PLCG2: variants seen among roughly 807,000 people sequenced by gnomAD.
PLCG2 encodes 1-phosphatidylinositol 4,5-bisphosphate phosphodiesterase gamma-2.
Under a neutral mutation model 175.6 loss-of-function variants are expected in PLCG2, and 69 were observed. The observed-to-expected ratio is 0.39, with a 90% confidence interval of 0.32 to 0.48. The LOEUF is 0.48. Among genes scored for constraint, PLCG2 ranks in the 20% least tolerant of loss-of-function variants. PLCG2 has a pLI of 0.91. For synonymous variants in PLCG2, 827 were observed against 624.0 expected (o/e 1.33, Z -4.85); for missense variants, 1,798 against 1,650.9 (o/e 1.09, Z -1.54).
Position 81,962,099 on chromosome 16 carries a change from C to A in PLCG2, c.*4101C>A, listed in dbSNP as rs929695630. 5.4e-5 allele frequency: 10 copies of A among 185,252 alleles called. No individual in the cohort carries two copies. The highest frequency in any genetic ancestry group is 1.9e-4 in the African/African-American group (8 of 42,578). 11.5% of individuals were successfully genotyped at this position (185,252 alleles called of 1,614,324 possible). On this transcript the variant is annotated 3_prime_UTR_variant, in exon 33 of 33. Coordinates refer to ENST00000564138, the MANE Select transcript of PLCG2 (RefSeq NM_002661.5). ...ACGACCAACCCCGATAGAGGAGGACCGGTCTTCGGTCAAGGGTATACGAGT... is the reference window on the plus strand; with the variant it reads ...ACGACCAACCCCGATAGAGGAGGACAGGTCTTCGGTCAAGGGTATACGAGT...
intron 2 of PLCG2, among the ~76,000 whole-genome samples, chr16:81,763,764 C>T (rs959278954): frequency 5.9e-5 from 9 of 151,864 alleles, no homozygotes; most frequent in South Asian, 2.1e-4. Flanking sequence ...GTCTGGAGTT[C>T]GAGACCAGCC....
At chr16:81,926,899 AAAAAAT>A (rs1363742887) in intron 22 of PLCG2, among the ~76,000 whole-genome samples, 177 bp from the exon 23 acceptor site, 3 of 152,190 alleles carry the variant, frequency 2.0e-5, no homozygotes, top group Non-Finnish European at 4.4e-5. Context: ...ATTAGTAATT[AAAAAAT>A]AAAAAGACAG....
chr16:81,877,433 C>T (rs555420818), intron 7 of PLCG2, among the ~76,000 whole-genome samples: 21 of 152,240 alleles, frequency 1.4e-4, no homozygotes, highest in Middle Eastern at 3.4e-3. Context: ...CCAGCCTGGG[C>T]GACACAGCGA....
chr16:81,942,782 G>T (rs948441011), intron 30 of PLCG2, among the ~76,000 whole-genome samples: 1 of 152,106 alleles, frequency 6.6e-6, no homozygotes, highest in African/African-American at 2.4e-5. Context: ...AATTAATTTC[G>T]AACCCCGTGT....
chr16:81,797,840 T>G lies in PLCG2; in HGVS notation c.193+11658T>G, dbSNP rs1256715643. On this transcript the variant is annotated intron_variant, in intron 2 of 32. Coordinates refer to ENST00000564138, the MANE Select transcript of PLCG2 (RefSeq NM_002661.5). ...TCTCAGTTTTCTTTTTTCTTGTCTTTTTTTTTTTTGAGATGGAGTCTCACT... is the reference window on the plus strand; with the variant it reads ...TCTCAGTTTTCTTTTTTCTTGTCTTGTTTTTTTTTGAGATGGAGTCTCACT... Among the ~76,000 whole-genome samples, 9 of 151,604 alleles carry G rather than the reference T, an allele frequency of 5.9e-5. No homozygotes were observed. The East Asian group carries it at 1.7e-3, about 29-fold the overall frequency.
At position 81,938,835 on chromosome 16, in the gene PLCG2, G is replaced by A. The variant is rs891516801; in HGVS notation, c.3233G>A (p.Arg1078Gln). ...LGARHLPKLG[R>Q]SIACPFVEVE... ...GCTCGCCATCTCCCCAAACTTGGAC[G>A]AAGTATTGCCTGTCCCTTTGTAGAA... The change falls in exon 29 of 33, where the codon CGA becomes CAA. Residue 1078 changes from arginine to glutamine, a missense_variant. Physicochemically the swap from Arg to Gln is conservative, Grantham distance 43 (BLOSUM62 1). Transcript: ENST00000564138. 6.2e-7 allele frequency: 1 copy of A among 1,613,582 alleles called. No individual in the cohort carries two copies. Among genetic ancestry groups the A allele is most frequent in the African/African-American group, 1.3e-5 (1 of 74,980 alleles).
At position 81,934,505 on chromosome 16, in the gene PLCG2, C is replaced by T; in HGVS notation, c.2816C>T (p.Pro939Leu). ...TCTGACCTGGTTGTCTACTGCAAAC[C>T]AACCAGCAAAACCAAGGACAACTTA... Reference protein sequence around the residue: ...ELSDLVVYCKPTSKTKDNLEN... With the variant: ...ELSDLVVYCKLTSKTKDNLEN... The change falls in exon 26 of 33, where the codon CCA (proline) becomes CTA (leucine). Residue 939 changes from proline to leucine, a missense_variant. By Grantham distance (98) the Pro-to-Leu change is moderately conservative. Transcript: ENST00000564138. 1.2e-6 allele frequency: 2 copies of T among 1,612,008 alleles called. No individual in the cohort carries two copies. Among genetic ancestry groups the T allele is most frequent in the Non-Finnish European group, 1.7e-6 (2 of 1,178,224 alleles).
At chr16:81,795,877 C>A (rs1300674261) in intron 2 of PLCG2, among the ~76,000 whole-genome samples, 1 of 152,206 alleles carries the variant, frequency 6.6e-6, no homozygotes, top group African/African-American at 2.4e-5. Flanking sequence ...CTCCCACCTT[C>A]TATTGAACAG....
chr16:81,816,811 G>C (rs1360102686), intron 2 of PLCG2, among the ~76,000 whole-genome samples: 1 of 151,742 alleles, frequency 6.6e-6, no homozygotes, highest in Non-Finnish European at 1.5e-5. Context: ...CAGAAATTAT[G>C]ACTTACTCCC....
chr16:81,818,868 A>C (rs1056621976), intron 2 of PLCG2, among the ~76,000 whole-genome samples: 1 of 134,254 alleles, frequency 7.4e-6, no homozygotes, highest in Admixed American at 7.9e-5. Context: ...TCCATAAGCT[A>C]GTGTGGGCTC....
chr16:81,859,900 T>C (rs1299960509), intron 5 of PLCG2, among the ~76,000 whole-genome samples: 1 of 152,146 alleles, frequency 6.6e-6, no homozygotes, highest in African/African-American at 2.4e-5. Flanking sequence ...TTCAGTTTAC[T>C]TGACTTTTTC....
At chr16:81,755,599 C>T (rs1262453493) in intron 1 of PLCG2, among the ~76,000 whole-genome samples, 2 of 151,942 alleles carry the variant, frequency 1.3e-5, no homozygotes, top group Non-Finnish European at 2.9e-5. Flanking sequence ...GATCTTGGCT[C>T]ACTGTAACCT....
At chr16:81,745,159 T>C (rs1385294055) in intron 1 of PLCG2, among the ~76,000 whole-genome samples, 3 of 151,884 alleles carry the variant, frequency 2.0e-5, no homozygotes, top group African/African-American at 7.3e-5. Flanking sequence ...CTAGAAAAGG[T>C]TGTGTTGGGT....
intron 1 of PLCG2, among the ~76,000 whole-genome samples, chr16:81,751,200 C>A (rs996533296): frequency 6.6e-6 from 1 of 151,822 alleles, no homozygotes; most frequent in African/African-American, 2.4e-5. Flanking sequence ...AGGCTGGTCT[C>A]AAACTCCTGA....
At chr16:81,899,361 G>C (rs931066778) in intron 13 of PLCG2, among the ~76,000 whole-genome samples, 4 of 151,626 alleles carry the variant, frequency 2.6e-5, no homozygotes, top group Non-Finnish European at 5.9e-5. Flanking sequence ...CTAATGATAT[G>C]TGAATTTATA....
In PLCG2 at chr16:81,790,063, C is replaced by G. The variant is rs576268408; in HGVS notation, c.193+3881C>G. ...ACCTCCACTCTCTGAACTTTAATTC[C>G]CTTATCTGTGGACTGGAAATAACAT... On this transcript the variant is annotated intron_variant, in intron 2 of 32. Transcript: ENST00000564138. Among the ~76,000 whole-genome samples, 4 of 152,248 alleles carry G rather than the reference C, an allele frequency of 2.6e-5. No homozygotes were observed. In the South Asian group the frequency reaches 8.3e-4, roughly 32 times the overall value.
At chr16:81,796,307 C>T (rs1412507980) in intron 2 of PLCG2, among the ~76,000 whole-genome samples, 4 of 152,252 alleles carry the variant, frequency 2.6e-5, no homozygotes, top group Admixed American at 1.3e-4. Flanking sequence ...ACATCAGTGA[C>T]AGCTTTGGTT....
intron 20 of PLCG2, among the ~76,000 whole-genome samples, chr16:81,920,367 A>G (rs1910011641): frequency 6.6e-6 from 1 of 152,228 alleles, no homozygotes; most frequent in Non-Finnish European, 1.5e-5. Flanking sequence ...ACTGTGGAAC[A>G]AAATCTGCTT....
rs988595873 is a variant in PLCG2, at chr16:81,889,238, C to A, written c.832C>A (p.Arg278Ser). The A allele has an allele frequency of 1.2e-6, 2 of 1,604,932 alleles. No individual in the cohort carries two copies. The highest frequency in any genetic ancestry group is 8.5e-7 in the Non-Finnish European group (1 of 1,175,398). Reference sequence around the variant, plus strand: ...GACAAAGTTCATTGATGACACCATGCGTGAAACTGCTGAGCCTTTCTTGTT... The same window carrying A: ...GACAAAGTTCATTGATGACACCATGAGTGAAACTGCTGAGCCTTTCTTGTT... ...RMTKFIDDTM[R>S]ETAEPFLFVD... The change falls in exon 10 of 33, where the codon CGT becomes AGT. Residue 278 changes from arginine (R) to serine (S), a missense_variant. Transcript: ENST00000564138.
Sources: allele counts gnomAD v4.1 joint callset (sites outside exome capture counted in the v4.1 genomes callset), GRCh38; gene constraint gnomAD v4.1.1; transcripts MANE v1.5; gene names NCBI Gene and HGNC (gene_info 2026-07-23, HGNC 2026-07-21).